The following IPO9 variants were observed in gnomAD, a reference collection of about 807,000 sequenced individuals.
IPO9 encodes importin 9.
In IPO9, 28 loss-of-function variants were observed where a neutral mutation model predicts 128.6. The ratio of observed to expected loss-of-function variants is 0.22; its 90% CI spans 0.16 to 0.30. IPO9 has a LOEUF of 0.30. Ranked by LOEUF, IPO9 falls within the 10% of genes least tolerant of loss-of-function variation. The probability of loss-of-function intolerance (pLI) is 1.00; values close to 1 mark genes in which losing one functional copy is unlikely to be tolerated. For synonymous variants in IPO9, 455 were observed against 475.8 expected (o/e 0.96, Z 0.57); for missense variants, 935 against 1,293.9 (o/e 0.72, Z 4.26).
intron 13 of IPO9, among the ~76,000 whole-genome samples, chr1:201,862,863 G>A (rs1680474912): frequency 6.6e-6 from 1 of 152,134 alleles, no homozygotes; most frequent in South Asian, 2.1e-4. Flanking sequence ...TGAGAGCTGG[G>A]GGTGAGGACT....
At chr1:201,856,922 A>G (rs1680339387) in intron 10 of IPO9, among the ~76,000 whole-genome samples, 174 bp from the exon 11 acceptor site, 1 of 152,180 alleles carries the variant, frequency 6.6e-6, no homozygotes, top group African/African-American at 2.4e-5. Context: ...CCTGGGCTCA[A>G]GCAGTCCTCC....
intron 13 of IPO9, among the ~76,000 whole-genome samples, chr1:201,863,012 A>G (rs932017413): frequency 1.1e-4 from 16 of 152,036 alleles, no homozygotes; most frequent in Admixed American, 8.5e-4. Context: ...TTTTCTCTCA[A>G]ATGAGTTGTA....
intron 9 of IPO9, 152 bp downstream of exon 9, chr1:201,855,334 A>G: frequency 1.7e-6 from 1 of 572,464 alleles, no homozygotes; most frequent in East Asian, 2.8e-5. Context: ...ATGTGGGGAA[A>G]TGAGAATTGA....
intron 11 of IPO9, 93 bp from the exon 12 acceptor site, chr1:201,858,354 C>G: frequency 1.7e-6 from 1 of 604,288 alleles, no homozygotes; most frequent in Non-Finnish European, 2.8e-6. Flanking sequence ...AGAGCTTGAA[C>G]CAATCACTTC....
chr1:201,862,829 A>G (rs1381183460), intron 13 of IPO9, among the ~76,000 whole-genome samples: 1 of 151,802 alleles, frequency 6.6e-6, no homozygotes, highest in African/African-American at 2.4e-5. Context: ...AAAAAGATTA[A>G]CTAGTAGTAC....
chr1:201,872,693 C>T (rs1220404350), intron 19 of IPO9, 135 bp from the exon 20 acceptor site: 1 of 969,572 alleles, frequency 1.0e-6, no homozygotes, highest in Non-Finnish European at 1.5e-6. Context: ...CAGCTGAACT[C>T]TCTTAGCTCT....
chr1:201,867,063 ATG>A, intron 15 of IPO9, 104 bp downstream of exon 15: 1 of 953,810 alleles, frequency 1.0e-6, no homozygotes, highest in Non-Finnish European at 1.6e-6. Flanking sequence ...CTATGAAGCT[ATG>A]GTTTTAACAT....
intron 4 of IPO9, among the ~76,000 whole-genome samples, chr1:201,849,475 A>T (rs544751083): frequency 1.3e-5 from 2 of 152,284 alleles, no homozygotes; most frequent in East Asian, 3.9e-4. Context: ...TCCTTTGTTC[A>T]TATAGGTTTG....
intron 2 of IPO9, 52 bp downstream of exon 2, chr1:201,847,392 A>G (rs1450018411): frequency 6.5e-7 from 1 of 1,545,106 alleles, no homozygotes; most frequent in East Asian, 2.2e-5. Context: ...CTTGGTAATG[A>G]AACTTTCTTA....
chr1:201,834,318 T>C (rs887260999), intron 1 of IPO9, among the ~76,000 whole-genome samples: 12 of 152,054 alleles, frequency 7.9e-5, no homozygotes, highest in African/African-American at 2.7e-4. Context: ...TTAAAAAGAC[T>C]GGAGAGGTTA....
intron 1 of IPO9, among the ~76,000 whole-genome samples, chr1:201,832,256 CTT>C (rs11450190): frequency 2.1e-5 from 3 of 143,516 alleles, no homozygotes; most frequent in South Asian, 2.2e-4. Flanking sequence ...CTAGGAAACA[CTT>C]TTTTTTTTTT....
intron 13 of IPO9, among the ~76,000 whole-genome samples, chr1:201,861,368 A>G (rs1433994193): frequency 1.3e-5 from 2 of 152,316 alleles, no homozygotes; most frequent in African/African-American, 4.8e-5. Context: ...TTATACTTCA[A>G]GTACCCTTAC....
intron 13 of IPO9, among the ~76,000 whole-genome samples, chr1:201,862,791 A>T (rs976195058): frequency 4.0e-5 from 6 of 150,346 alleles, no homozygotes; most frequent in Non-Finnish European, 5.9e-5. Flanking sequence ...GGGCAACAAG[A>T]ATGAAACTTC....
intron 11 of IPO9, 152 bp downstream of exon 11, chr1:201,857,346 A>G (rs1267008064): frequency 1.6e-6 from 1 of 609,926 alleles, no homozygotes; most frequent in African/African-American, 1.9e-5. Flanking sequence ...CTGAAATGAA[A>G]TTCGAGACTC....
intron 4 of IPO9, among the ~76,000 whole-genome samples, chr1:201,849,296 C>T (rs912618739): frequency 6.6e-6 from 1 of 152,150 alleles, no homozygotes; most frequent in African/African-American, 2.4e-5. Context: ...ATCAATCCCT[C>T]CCAGAATCTG....
At chr1:201,872,544 G>T (rs1003908954) in intron 19 of IPO9, among the ~76,000 whole-genome samples, 1 of 151,988 alleles carries the variant, frequency 6.6e-6, no homozygotes, top group African/African-American at 2.4e-5. Flanking sequence ...GGTCAAGGCT[G>T]CAGTGAACCA....
chr1:201,861,549 A>G (rs1248100187), intron 13 of IPO9, among the ~76,000 whole-genome samples: 4 of 152,226 alleles, frequency 2.6e-5, no homozygotes, highest in Admixed American at 2.6e-4. Context: ...TCAGTATTAA[A>G]TTTAAATGCA....
intron 13 of IPO9, 24 bp from the exon 14 acceptor site, chr1:201,863,424 C>T: frequency 6.5e-7 from 1 of 1,544,076 alleles, no homozygotes; most frequent in East Asian, 2.3e-5. Context: ...TTTCCAGCCC[C>T]TAATTGTTCT....
chr1:201,837,315 T>C (rs553809812), intron 1 of IPO9, among the ~76,000 whole-genome samples: 59 of 152,308 alleles, frequency 3.9e-4, no homozygotes, highest in African/African-American at 1.3e-3. Flanking sequence ...AAAAATATAT[T>C]CATGCTAAGC....
Sources: allele counts gnomAD v4.1 joint callset (sites outside exome capture counted in the v4.1 genomes callset), GRCh38; gene constraint gnomAD v4.1.1; transcripts MANE v1.5; gene names NCBI Gene and HGNC (gene_info 2026-07-23, HGNC 2026-07-21).